PDE10A: variants seen among roughly 807,000 people sequenced by gnomAD.
PDE10A encodes the protein phosphodiesterase 10A, also known as cAMP and cAMP-inhibited cGMP 3',5'-cyclic phosphodiesterase 10A.
A neutral mutation model predicts 97.7 loss-of-function variants in PDE10A; 39 were observed. The observed-to-expected ratio is 0.40, with a 90% CI of 0.31 to 0.52. The LOEUF (loss-of-function observed/expected upper bound fraction) is 0.52. PDE10A is among the 20% of genes least tolerant of loss of function. The pLI is 0.56. For missense variants in PDE10A, 731 were observed against 1,047.8 expected (o/e 0.70, Z 4.17); for synonymous variants, 371 against 376.8 (o/e 0.98, Z 0.18).
At chr6:165,574,236 A>G (rs1785194188) in intron 1 of PDE10A, among the ~76,000 whole-genome samples, 1 of 152,062 alleles carries the variant, frequency 6.6e-6, no homozygotes, top group Admixed American at 6.6e-5. Flanking sequence ...GTAGTCCAGA[A>G]CAGTGACTCC....
chr6:165,763,622 C>A (rs937083034), intron 1 of PDE10A, among the ~76,000 whole-genome samples: 2 of 152,206 alleles, frequency 1.3e-5, no homozygotes, highest in Admixed American at 6.5e-5. Flanking sequence ...TGTGCCCAGC[C>A]TTGAGATTCT....
In PDE10A at chr6:165,658,981, C is replaced by T. The variant is rs181002061; in HGVS notation, c.865+2966G>A. 4.3e-3 allele frequency among the ~76,000 whole-genome samples: 662 copies of T among 152,296 alleles called. 2 individuals carry two copies. The highest frequency in any genetic ancestry group is 6.9e-3 in the Non-Finnish European group (466 of 68,028). ...GAGTGGGAAGCTCCCACAGCAGCTT[C>T]GTAGCTTCTACTAGGCTTCTTTCTT... is the stretch of plus-strand genomic sequence containing the variant. On this transcript the variant is annotated intron_variant, in intron 1 of 21. Transcript: ENST00000539869.
chr6:165,811,764 C>T (rs1562748779), intron 1 of PDE10A, among the ~76,000 whole-genome samples: 2 of 152,254 alleles, frequency 1.3e-5, no homozygotes, highest in Non-Finnish European at 2.9e-5. Flanking sequence ...TGGTGTATCA[C>T]TCCCTCACCA....
At chr6:165,949,859 A>G (rs550566797) in intron 1 of PDE10A, 3 of 152,368 alleles carry the variant, frequency 2.0e-5, no homozygotes, top group Admixed American at 6.5e-5. Context: ...TAGTTATCGC[A>G]TGAGTTTCAA....
intron 1 of PDE10A, among the ~76,000 whole-genome samples, chr6:165,643,983 A>C (rs778466006): frequency 1.7e-3 from 252 of 152,244 alleles, no homozygotes; most frequent in Non-Finnish European, 3.3e-3. Flanking sequence ...CAATTAAAAA[A>C]TATATTTTTA....
intron 1 of PDE10A, among the ~76,000 whole-genome samples, chr6:165,590,956 G>A (rs1336601042): frequency 6.6e-6 from 1 of 152,134 alleles, no homozygotes; most frequent in Non-Finnish European, 1.5e-5. Flanking sequence ...TCATAGATAT[G>A]TATGTAATTT....
intron 1 of PDE10A, among the ~76,000 whole-genome samples, chr6:165,645,948 C>T (rs1175374004): frequency 6.6e-6 from 1 of 152,040 alleles, no homozygotes; most frequent in Non-Finnish European, 1.5e-5. Context: ...ACATATTCCT[C>T]CACTTGAGGA....
chr6:165,835,855 G>A (rs937873498), intron 1 of PDE10A, among the ~76,000 whole-genome samples: 1 of 152,130 alleles, frequency 6.6e-6, no homozygotes, highest in Non-Finnish European at 1.5e-5. Flanking sequence ...AGAGTAAGTT[G>A]AGCCACGATA....
chr6:165,622,659 C>A (rs975703703), intron 1 of PDE10A, among the ~76,000 whole-genome samples: 1 of 151,750 alleles, frequency 6.6e-6, no homozygotes, highest in African/African-American at 2.4e-5. Flanking sequence ...TGTAGACATG[C>A]ACACACACAC....
intron 1 of PDE10A, among the ~76,000 whole-genome samples, chr6:165,786,238 A>T (rs1778489298): frequency 6.6e-6 from 1 of 152,210 alleles, no homozygotes; most frequent in Non-Finnish European, 1.5e-5. Flanking sequence ...TCTAAATCAG[A>T]CAGTGTACAC....
chr6:165,796,141 G>A (rs1778824662), intron 1 of PDE10A, among the ~76,000 whole-genome samples: 1 of 137,992 alleles, frequency 7.2e-6, no homozygotes, highest in African/African-American at 2.8e-5. Flanking sequence ...TGTCACCCAG[G>A]CCGGAGTGCA....
chr6:165,368,058 T>C (rs9459386), intron 18 of PDE10A, among the ~76,000 whole-genome samples: 12,340 of 152,278 alleles, frequency 0.081, 565 homozygotes, highest in Middle Eastern at 0.2. Context: ...TGCAGTGGCA[T>C]GGTCTTGGCT....
chr6:165,552,651 G>A (rs1404295038), intron 1 of PDE10A, among the ~76,000 whole-genome samples: 2 of 152,142 alleles, frequency 1.3e-5, no homozygotes, highest in Non-Finnish European at 2.9e-5. Context: ...GGAAGCCTGT[G>A]CCAAGTCTCT....
intron 1 of PDE10A, among the ~76,000 whole-genome samples, chr6:165,640,981 G>A (rs554748502): frequency 6.6e-6 from 1 of 152,224 alleles, no homozygotes; most frequent in African/African-American, 2.4e-5. Context: ...GTCAGAAGAG[G>A]TGTCTTAAAT....
At chr6:165,853,876 C>A (rs1456520408) in intron 1 of PDE10A, among the ~76,000 whole-genome samples, 1 of 152,210 alleles carries the variant, frequency 6.6e-6, no homozygotes, top group Non-Finnish European at 1.5e-5. Context: ...GCTTTCCTAC[C>A]TGTCCTCCGA....
At chr6:165,452,553 T>C (rs573705687) in intron 3 of PDE10A, among the ~76,000 whole-genome samples, 1 of 152,184 alleles carries the variant, frequency 6.6e-6, no homozygotes, top group Non-Finnish European at 1.5e-5. Flanking sequence ...CTCTTGTACA[T>C]TCTCTCTTGC....
chr6:165,940,231 G>A (rs1211272048), intron 1 of PDE10A: 2 of 152,244 alleles, frequency 1.3e-5, no homozygotes, highest in African/African-American at 4.8e-5. Context: ...TACATTTCCA[G>A]GCTATAGCAC....
intron 1 of PDE10A, among the ~76,000 whole-genome samples, chr6:165,821,033 A>C (rs1779553610): frequency 6.6e-6 from 1 of 152,226 alleles, no homozygotes; most frequent in Non-Finnish European, 1.5e-5. Context: ...CATACATTGC[A>C]CGTTGATAAA....
At chr6:165,758,744 G>C (rs1184465218) in intron 1 of PDE10A, among the ~76,000 whole-genome samples, 1 of 151,760 alleles carries the variant, frequency 6.6e-6, no homozygotes, top group African/African-American at 2.4e-5. Context: ...AGAAGAAGGA[G>C]AGGAAAAAAC....
Sources: gnomAD v4.1 joint callset for allele counts (sites outside exome capture counted in the v4.1 genomes callset) on GRCh38, gnomAD v4.1.1 for gene constraint, MANE v1.5 for transcripts, NCBI Gene and HGNC (gene_info 2026-07-23, HGNC 2026-07-21) for gene names.